The following HDAC9 variants were observed in gnomAD, a reference collection of about 807,000 sequenced individuals.
The protein encoded by HDAC9 is histone deacetylase 9.
Under a neutral mutation model 139.4 loss-of-function variants are expected in HDAC9, and 41 were observed. The observed-to-expected ratio is 0.29, with a 90% CI of 0.23 to 0.38. The LOEUF is 0.38. Ranked by LOEUF, HDAC9 falls within the 10% of genes least tolerant of loss-of-function variation. HDAC9 has a pLI of 1.00. For synonymous variants in HDAC9, 517 were observed against 476.2 expected (o/e 1.09, Z -1.12); for missense variants, 1,147 against 1,297.0 (o/e 0.88, Z 1.78).
chr7:18,565,689 A>G (rs1325913986), intron 2 of HDAC9, among the ~76,000 whole-genome samples: 7 of 152,210 alleles, frequency 4.6e-5, no homozygotes, highest in Non-Finnish European at 1.0e-4. Flanking sequence ...ACAAAGGTGC[A>G]TTTTGAAATA....
intron 1 of HDAC9, among the ~76,000 whole-genome samples, chr7:18,443,242 A>AT (rs1791956790): frequency 6.6e-6 from 1 of 152,160 alleles, no homozygotes; most frequent in Non-Finnish European, 1.5e-5. Flanking sequence ...TTCCACAGGG[A>AT]TTAGATAAAT....
At chr7:18,979,318 A>G (rs535906452) in intron 25 of HDAC9, among the ~76,000 whole-genome samples, 2 of 152,284 alleles carry the variant, frequency 1.3e-5, no homozygotes, top group South Asian at 4.1e-4. Context: ...CTTAAGATTT[A>G]TATAGAAATA....
chr7:18,533,122 G>A (rs1329957669), intron 2 of HDAC9, among the ~76,000 whole-genome samples: 1 of 152,116 alleles, frequency 6.6e-6, no homozygotes, highest in African/African-American at 2.4e-5. Context: ...GTTCAACTTA[G>A]GCTTTTTTCT....
intron 1 of HDAC9, among the ~76,000 whole-genome samples, chr7:18,118,505 A>G (rs539651027): frequency 5.3e-5 from 8 of 152,308 alleles, no homozygotes; most frequent in African/African-American, 1.9e-4. Flanking sequence ...AATAATTTTA[A>G]TATAACTCCC....
At chr7:18,684,580 T>A (rs1239220434) in intron 12 of HDAC9, among the ~76,000 whole-genome samples, 1 of 152,034 alleles carries the variant, frequency 6.6e-6, no homozygotes, top group Non-Finnish European at 1.5e-5. Flanking sequence ...TGTGTCCTAA[T>A]GAGTGTGAAT....
Position 18,180,226 on chromosome 7 carries a change from T to TACACACAC in HDAC9, c.25+17918_25+17925dup, listed in dbSNP as rs67304424. 2.2e-3 allele frequency among the ~76,000 whole-genome samples: 270 copies of TACACACAC among 120,692 alleles called. 2 individuals are homozygous for TACACACAC. Among genetic ancestry groups the TACACACAC allele is most frequent in the East Asian group, 6.0e-3 (25 of 4,198 alleles). The allele number at this position is 120,692 out of a possible 152,430, so 79.2% of individuals were successfully genotyped here. On this transcript the variant is annotated intron_variant, in intron 2 of 12. Transcript: ENST00000417496. ...TTGTGAGCACCCTCCCCAAGACACA[T>TACACACAC]ACACACACACACACACACACACACA...
chr7:18,337,614 A>T (rs1781677506), intron 1 of HDAC9, among the ~76,000 whole-genome samples: 1 of 151,832 alleles, frequency 6.6e-6, no homozygotes, highest in African/African-American at 2.4e-5. Context: ...CAGCCTGATC[A>T]TCTGGTAACA....
intron 6 of HDAC9, among the ~76,000 whole-genome samples, chr7:18,602,152 T>C (rs1488882531): frequency 6.6e-6 from 1 of 152,138 alleles, no homozygotes; most frequent in Non-Finnish European, 1.5e-5. Flanking sequence ...GATATAGGCC[T>C]ATTTAAATTA....
chr7:18,174,380 G>T (rs1038757032), intron 2 of HDAC9, among the ~76,000 whole-genome samples: 4 of 152,096 alleles, frequency 2.6e-5, no homozygotes, highest in Admixed American at 6.5e-5. Flanking sequence ...TAGCTTCCTT[G>T]CGATGGGTTC....
intron 6 of HDAC9, among the ~76,000 whole-genome samples, chr7:18,594,629 A>G (rs376617687): frequency 9.2e-4 from 140 of 152,172 alleles, no homozygotes; most frequent in African/African-American, 3.0e-3. Flanking sequence ...AGAATTTAGT[A>G]AACAGTTCTG....
chr7:18,723,322 G>C (rs1298306250), intron 12 of HDAC9, among the ~76,000 whole-genome samples: 2 of 152,054 alleles, frequency 1.3e-5, no homozygotes, highest in African/African-American at 4.8e-5. Flanking sequence ...GATATGCATG[G>C]GAATATATAA....
chr7:18,092,613 C>T lies in HDAC9; in HGVS notation c.-97+5400C>T, dbSNP rs376036251. On this transcript the variant is annotated intron_variant, in intron 1 of 12. Transcript: ENST00000417496. ...CATATAATAATGGGGTCCCATTGTCCATTGCCAAAAAGAATGACAGGTGTC... is the reference window on the plus strand; with the variant it reads ...CATATAATAATGGGGTCCCATTGTCTATTGCCAAAAAGAATGACAGGTGTC... Among the ~76,000 whole-genome samples the T allele has an allele frequency of 3.3e-4, 50 of 152,080 alleles. No individual in the cohort carries two copies. In the East Asian group the frequency reaches 8.7e-3, roughly 27 times the overall value.
At chr7:18,916,167 TG>T (rs781430324) in intron 22 of HDAC9, among the ~76,000 whole-genome samples, 27 of 152,052 alleles carry the variant, frequency 1.8e-4, no homozygotes, top group Admixed American at 7.9e-4. Context: ...GGATGGTTTG[TG>T]TTTGAAAGTG....
intron 2 of HDAC9, among the ~76,000 whole-genome samples, chr7:18,218,017 G>C (rs1362504457): frequency 6.6e-6 from 1 of 152,126 alleles, no homozygotes; most frequent in African/African-American, 2.4e-5. Flanking sequence ...ATTGACTGGA[G>C]GCCTTAGTTC....
chr7:18,224,348 A>G (rs961926004), intron 2 of HDAC9, among the ~76,000 whole-genome samples: 3 of 152,192 alleles, frequency 2.0e-5, no homozygotes, highest in Non-Finnish European at 4.4e-5. Flanking sequence ...GATATGACTC[A>G]TAGTTCTTGG....
In HDAC9 at chr7:18,913,547, G is replaced by A. The variant is rs537423693; in HGVS notation, c.2804-22262G>A. Among the ~76,000 whole-genome samples the A allele has an allele frequency of 5.9e-5, 9 of 151,982 alleles. No homozygotes were observed. In the South Asian group the frequency reaches 1.5e-3, roughly 25 times the overall value. ...CGTAATTTTCTTTCTGTTTCCTTTG[G>A]ACTCCATGTGCCTGACCCTGTGCCA... On this transcript the variant is annotated intron_variant, in intron 22 of 25. Transcript: ENST00000686413.
intron 1 of HDAC9, among the ~76,000 whole-genome samples, chr7:18,475,487 G>C (rs1282569158): frequency 6.6e-6 from 1 of 152,128 alleles, no homozygotes; most frequent in African/African-American, 2.4e-5. Flanking sequence ...TTTTATTATT[G>C]TAGAAAGAAG....
chr7:18,648,126 C>CT (rs1340635287), intron 10 of HDAC9, 128 bp downstream of exon 10: 1 of 731,108 alleles, frequency 1.4e-6, no homozygotes, highest in Non-Finnish European at 2.2e-6. Flanking sequence ...TCCCTGATAC[C>CT]TGGTACTGTG....
At chr7:18,717,967 A>G (rs1178004236) in intron 12 of HDAC9, among the ~76,000 whole-genome samples, 1 of 152,238 alleles carries the variant, frequency 6.6e-6, no homozygotes, top group Non-Finnish European at 1.5e-5. Context: ...TAACAACTTT[A>G]TTAATATATT....
Sources: allele counts gnomAD v4.1 joint callset (sites outside exome capture counted in the v4.1 genomes callset), GRCh38; gene constraint gnomAD v4.1.1; transcripts MANE v1.5; gene names NCBI Gene and HGNC (gene_info 2026-07-23, HGNC 2026-07-21).